Variants in LRMDA observed in about 807,000 individuals in gnomAD.
The protein encoded by LRMDA is leucine rich melanocyte differentiation associated, also known as leucine-rich melanocyte differentiation-associated protein.
Under a neutral mutation model 29.8 loss-of-function variants are expected in LRMDA, and 18 were observed. That is an observed-to-expected ratio of 0.60 (90% CI 0.42 to 0.90). LRMDA has a LOEUF of 0.90. Among genes scored for constraint, LRMDA ranks in the 40% least tolerant of loss-of-function variants. LRMDA has a pLI of 0.00. For synonymous variants in LRMDA, 125 were observed against 109.4 expected (o/e 1.14, Z -0.89); for missense variants, 273 against 273.9 (o/e 1.00, Z 0.02).
At chr10:76,532,673 A>AT in intron 6 of LRMDA, among the ~76,000 whole-genome samples, 1 of 152,282 alleles carries the variant, frequency 6.6e-6, no homozygotes, top group Non-Finnish European at 1.5e-5. Context: ...AAGAAATGGC[A>AT]TTTTATTTGG....
At chr10:75,770,195 G>T (rs1843221634) in intron 2 of LRMDA, among the ~76,000 whole-genome samples, 1 of 152,012 alleles carries the variant, frequency 6.6e-6, no homozygotes, top group African/African-American at 2.4e-5. Flanking sequence ...GAAGGCTGAG[G>T]CAGGAGGATC....
intron 2 of LRMDA, among the ~76,000 whole-genome samples, chr10:75,910,183 C>T (rs1017930600): frequency 3.3e-5 from 5 of 152,082 alleles, no homozygotes; most frequent in Non-Finnish European, 7.4e-5. Flanking sequence ...TTTCTAATTT[C>T]GCCACTTTAT....
chr10:76,345,938 G>T (rs1337604461), intron 6 of LRMDA, among the ~76,000 whole-genome samples: 13 of 152,158 alleles, frequency 8.5e-5, no homozygotes, highest in Non-Finnish European at 1.5e-4. Flanking sequence ...CTTAAAAAAG[G>T]TTAAGGTAAG....
intron 2 of LRMDA, among the ~76,000 whole-genome samples, chr10:76,034,349 C>A (rs755111173): frequency 6.6e-6 from 1 of 152,000 alleles, no homozygotes; most frequent in Non-Finnish European, 1.5e-5. Flanking sequence ...TTTTGCCTCT[C>A]GGAACCAAGA....
chr10:75,924,252 A>G (rs1433550203), intron 2 of LRMDA, among the ~76,000 whole-genome samples: 1 of 152,244 alleles, frequency 6.6e-6, no homozygotes, highest in Non-Finnish European at 1.5e-5. Context: ...TGACAACATC[A>G]TATTAAGCAC....
At chr10:76,160,338 T>TA (rs201819801) in intron 5 of LRMDA, among the ~76,000 whole-genome samples, 27 of 150,636 alleles carry the variant, frequency 1.8e-4, no homozygotes, top group African/African-American at 5.3e-4. Context: ...GTTCTTAATG[T>TA]AAAAAAAAAG....
chr10:76,267,856 C>T (rs575505221), intron 5 of LRMDA, among the ~76,000 whole-genome samples: 30 of 152,122 alleles, frequency 2.0e-4, no homozygotes, highest in Middle Eastern at 3.4e-3. Context: ...ATTATTTATT[C>T]GGTGTTTTTC....
intron 2 of LRMDA, among the ~76,000 whole-genome samples, chr10:75,998,929 G>A (rs894746062): frequency 6.6e-6 from 1 of 152,202 alleles, no homozygotes; most frequent in Non-Finnish European, 1.5e-5. Flanking sequence ...AGGGAACTGT[G>A]GGGCTGGGAG....
At chr10:75,517,893 G>A (rs1046030916) in intron 2 of LRMDA, among the ~76,000 whole-genome samples, 77 of 152,138 alleles carry the variant, frequency 5.1e-4, no homozygotes, top group African/African-American at 1.8e-3. Flanking sequence ...CTAGTTTATT[G>A]AGAGTTTTTA....
chr10:76,516,280 G>T lies in LRMDA; in HGVS notation c.602-40929G>T, dbSNP rs566941579. 4.4e-3 allele frequency among the ~76,000 whole-genome samples: 668 copies of T among 152,210 alleles called. 1 individual carries two copies. Among genetic ancestry groups the T allele is most frequent in the African/African-American group, 0.015 (624 of 41,530 alleles). On this transcript the variant is annotated intron_variant, in intron 6 of 6. Coordinates refer to ENST00000611255, the MANE Select transcript of LRMDA (RefSeq NM_001305581.2). The stretch of plus-strand genomic sequence containing the variant: ...CACAATCAGAACATAAAGCAAATTT[G>T]TATGAAATGATTAAACAAATAAAGG...
chr10:76,208,431 A>AACT (rs1851576601), intron 5 of LRMDA, among the ~76,000 whole-genome samples: 1 of 152,194 alleles, frequency 6.6e-6, no homozygotes, highest in African/African-American at 2.4e-5. Context: ...TTGGGATAAA[A>AACT]ACTATGAAGT....
At chr10:76,015,719 T>C (rs1345748491) in intron 2 of LRMDA, among the ~76,000 whole-genome samples, 1 of 152,152 alleles carries the variant, frequency 6.6e-6, no homozygotes, top group Admixed American at 6.5e-5. Context: ...CAGCTATCAA[T>C]CTGAACATGC....
intron 2 of LRMDA, among the ~76,000 whole-genome samples, chr10:75,455,842 T>A (rs1028969926): frequency 4.6e-5 from 7 of 152,142 alleles, no homozygotes; most frequent in African/African-American, 1.7e-4. Context: ...GAGGGCAGGA[T>A]TTTCCATGCT....
intron 6 of LRMDA, among the ~76,000 whole-genome samples, chr10:76,395,469 G>A (rs976545530): frequency 3.3e-5 from 5 of 152,182 alleles, no homozygotes; most frequent in African/African-American, 9.7e-5. Context: ...GCTCATCAGA[G>A]GGCAGCTTGG....
chr10:75,971,920 G>A (rs558380284), intron 2 of LRMDA, among the ~76,000 whole-genome samples: 11 of 152,322 alleles, frequency 7.2e-5, no homozygotes, highest in African/African-American at 2.4e-4. Flanking sequence ...TCGTCAGCCT[G>A]TGGATTTCCA....
At chr10:75,495,334 T>G (rs1202095954) in intron 2 of LRMDA, among the ~76,000 whole-genome samples, 2 of 146,544 alleles carry the variant, frequency 1.4e-5, no homozygotes, top group African/African-American at 2.7e-5. Context: ...CCTTTTATGG[T>G]TTTTTTTTTC....
rs545635998 is a variant in LRMDA, at chr10:76,286,553, C to A, written c.517-37848C>A. ...GGTGAGCAGCAGTTAAGGATGAGACCAGCTGATGGGCTTCAGGCTCTCAGA... is the reference window on the plus strand; with the variant it reads ...GGTGAGCAGCAGTTAAGGATGAGACAAGCTGATGGGCTTCAGGCTCTCAGA... On this transcript the variant is annotated intron_variant, in intron 5 of 6. Transcript: ENST00000611255. Among the ~76,000 whole-genome samples the A allele has an allele frequency of 5.3e-5, 8 of 152,258 alleles. No individual in the cohort carries two copies. In the East Asian group the frequency reaches 1.5e-3, roughly 29 times the overall value.
At chr10:76,413,639 A>T (rs1361229463) in intron 6 of LRMDA, among the ~76,000 whole-genome samples, 1 of 152,322 alleles carries the variant, frequency 6.6e-6, no homozygotes, top group East Asian at 1.9e-4. Flanking sequence ...CAGCCAAACC[A>T]TATCACCATC....
intron 6 of LRMDA, among the ~76,000 whole-genome samples, chr10:76,485,385 C>T (rs1045627278): frequency 2.6e-5 from 4 of 151,808 alleles, no homozygotes; most frequent in African/African-American, 9.7e-5. Flanking sequence ...AGCACTATAC[C>T]ACATTATGGA....
Sources: gnomAD v4.1 joint callset for allele counts (sites outside exome capture counted in the v4.1 genomes callset) on GRCh38, gnomAD v4.1.1 for gene constraint, MANE v1.5 for transcripts, NCBI Gene and HGNC (gene_info 2026-07-23, HGNC 2026-07-21) for gene names.